The following IDS variants were observed in gnomAD, a reference collection of about 807,000 sequenced individuals.
IDS encodes iduronate 2-sulfatase.
A neutral mutation model predicts 33.5 loss-of-function variants in IDS; 1 was observed. The observed-to-expected ratio is 0.03, with a 90% CI of 0.01 to 0.14. IDS has a LOEUF of 0.14. IDS is among the 10% of genes least tolerant of loss of function. The pLI, the probability that IDS is intolerant of heterozygous loss-of-function variation, is 1.00. For missense variants in IDS, 328 were observed against 448.0 expected (o/e 0.73, Z 2.42); for synonymous variants, 191 against 184.4 (o/e 1.04, Z -0.29).
chrX:149,502,263 G>A (rs1350392716), intron 3 of IDS: 24 of 294,373 alleles, frequency 8.2e-5, no homozygotes, highest in Admixed American at 8.1e-4. Context: ...AGGAGGTCAA[G>A]CAACATCACT....
At chrX:149,492,295 G>A (rs1234234109) in intron 6 of IDS, among the ~76,000 whole-genome samples, 1 of 111,686 alleles carries the variant, frequency 9.0e-6, no homozygotes, top group East Asian at 2.8e-4. Flanking sequence ...AGAGGCCCAG[G>A]GGTGACACAG....
rs1557337577 is a variant in IDS, at chrX:149,482,805, C to T, written c.1594G>A (p.Asp532Asn). The T allele has an allele frequency of 8.3e-7, 1 of 1,211,926 alleles. No individual in the cohort carries two copies. ...TGGGAATCATTATACATATTGTGATCCTGCAATGGGTCAGAATCCACAAAA... is the reference window on the plus strand; with the variant it reads ...TGGGAATCATTATACATATTGTGATTCTGCAATGGGTCAGAATCCACAAAA... ...LYFVDSDPLQ[D>N]HNMYNDSQGG... The change falls in exon 9 of 9, where the codon GAT becomes AAT. Residue 532 changes from aspartate (D) to asparagine (N), a missense_variant. By Grantham distance (23) the Asp-to-Asn change is conservative. Around this residue, in one of 4 missense-constraint regions of IDS, gnomAD observed 265 missense variants for 339.2 expected, o/e 0.78. Transcript: ENST00000340855.
intron 6 of IDS, among the ~76,000 whole-genome samples, chrX:149,495,993 C>G (rs1162927507): frequency 1.8e-5 from 2 of 112,164 alleles, no homozygotes; most frequent in Non-Finnish European, 3.8e-5. Flanking sequence ...TCGGGAGTTG[C>G]CCATCACTCT....
intron 3 of IDS, chrX:149,502,805 A>G (rs1344970567): frequency 5.2e-6 from 1 of 193,700 alleles, no homozygotes; most frequent in Non-Finnish European, 9.6e-6. Flanking sequence ...CTGGGACCCT[A>G]TAGATCCTGG....
At chrX:149,490,744 G>C (rs782698084) in intron 6 of IDS, among the ~76,000 whole-genome samples, 1 of 111,231 alleles carries the variant, frequency 9.0e-6, no homozygotes, top group African/African-American at 3.4e-5. Context: ...AAGCTGAAAT[G>C]TATTGTCTCC....
Position 149,482,462 on chromosome X carries a change from T to A in IDS, c.*284A>T, listed in dbSNP as rs2089300556. On this transcript the variant is annotated 3_prime_UTR_variant, in exon 9 of 9. Coordinates refer to ENST00000340855, the MANE Select transcript of IDS (RefSeq NM_000202.8). ...ATCCAAAGGTATGACATAACTTGAGTTTGTTTGCTTTGTATTTATTCAGTA... is the reference window on the plus strand; with the variant it reads ...ATCCAAAGGTATGACATAACTTGAGATTGTTTGCTTTGTATTTATTCAGTA... 3.0e-6 allele frequency: 1 copy of A among 328,451 alleles called. No individual in the cohort carries two copies. Among genetic ancestry groups the A allele is most frequent in the Admixed American group, 5.3e-5 (1 of 18,787 alleles). 27.1% of individuals were successfully genotyped at this position (328,451 alleles called of 1,213,427 possible).
intron 6 of IDS, among the ~76,000 whole-genome samples, chrX:149,495,323 A>T (rs781800735): frequency 9.0e-6 from 1 of 110,654 alleles, no homozygotes; most frequent in Admixed American, 9.6e-5. Context: ...CACCAACCAA[A>T]CTCTTGTTGT....
chrX:149,496,001 T>G (rs2089433146), intron 6 of IDS, among the ~76,000 whole-genome samples: 1 of 112,152 alleles, frequency 8.9e-6, no homozygotes, highest in Non-Finnish European at 1.9e-5. Context: ...TGCCCATCAC[T>G]CTACAATTAA....
chrX:149,491,537 C>T, intron 6 of IDS: 1 of 966,288 alleles, frequency 1.0e-6, no homozygotes, highest in Non-Finnish European at 1.3e-6. Context: ...ATGAGACTCA[C>T]CCGTTCTCAC....
chrX:149,487,331 T>A (rs1557338207), intron 7 of IDS: 4 of 1,121,728 alleles, frequency 3.6e-6, no homozygotes, highest in Non-Finnish European at 3.7e-6. Context: ...AAAGAAAAAA[T>A]AATTAAATTC....
intron 5 of IDS, among the ~76,000 whole-genome samples, chrX:149,497,597 T>A (rs1331523557): frequency 1.8e-5 from 2 of 112,624 alleles, no homozygotes; most frequent in African/African-American, 6.5e-5. Flanking sequence ...TGGAAAAGGA[T>A]TCTAAAACAG....
intron 6 of IDS, among the ~76,000 whole-genome samples, chrX:149,492,159 C>A (rs2089398455): frequency 8.9e-6 from 1 of 112,091 alleles, no homozygotes; most frequent in African/African-American, 3.2e-5. Context: ...GTACCTACTC[C>A]TTGCCCTCTG....
Position 149,486,788 on chromosome X carries a change from G to A in IDS, c.1180+137C>T, listed in dbSNP as rs782509738. 25 of 682,358 alleles carry A rather than the reference G, an allele frequency of 3.7e-5. No homozygotes were observed. The South Asian group carries it at 4.9e-4, about 13-fold the overall frequency. The allele number at this position is 682,358 out of a possible 1,213,427, so 56.2% of individuals were successfully genotyped here. Reference sequence around the variant, plus strand: ...AGAAAGCGTGTGCTGACCACAAAATGTTGAGAAGAAATTCCAACACAAGGC... The same window carrying A: ...AGAAAGCGTGTGCTGACCACAAAATATTGAGAAGAAATTCCAACACAAGGC... On this transcript the variant is annotated intron_variant, in intron 8 of 8. Transcript: ENST00000340855.
At chrX:149,487,417 G>A (rs377106375) in intron 7 of IDS, 23 of 585,625 alleles carry the variant, frequency 3.9e-5, no homozygotes, top group South Asian at 3.6e-4. Context: ...CCACACATGC[G>A]TTCCTCCCCT....
At position 149,478,430 on chromosome X, in the gene IDS, A is replaced by C. The variant is rs2124644530; in HGVS notation, c.*4316T>G. ...ACATTTCAGTCCAAAAAAAAAAATT[A>C]ATGAAGCAGGGCTGTGCAGCCATTA... On this transcript the variant is annotated 3_prime_UTR_variant, in exon 9 of 9. Coordinates refer to ENST00000340855, the MANE Select transcript of IDS (RefSeq NM_000202.8). 8.9e-6 allele frequency: 1 copy of C among 112,671 alleles called. No homozygotes were observed. The highest frequency in any genetic ancestry group is 3.2e-5 in the African/African-American group (1 of 31,015). The allele number at this position is 112,671 out of a possible 1,213,427, so 9.3% of individuals were successfully genotyped here.
At chrX:149,494,808 TTA>T (rs2124036516) in intron 6 of IDS, among the ~76,000 whole-genome samples, 1 of 112,252 alleles carries the variant, frequency 8.9e-6, no homozygotes, top group East Asian at 2.8e-4. Flanking sequence ...TGTTTCAGTT[TTA>T]TAGAGAAGAA....
In IDS at chrX:149,490,444, C is replaced by T. The variant is rs782623359; in HGVS notation, c.880-4G>A. ...AGTAGCTCTGGCGGATTTTCCGCTG[C>T]AAATTGAAAAAAAATAAAAATGAGA... On this transcript the variant is annotated splice_region_variant and splice_polypyrimidine_tract_variant and intron_variant, in intron 6 of 8. Transcript: ENST00000340855. 29 of 1,207,864 alleles carry T rather than the reference C, an allele frequency of 2.4e-5. 1 individual carries two copies. In the South Asian group the frequency reaches 4.9e-4, roughly 21 times the overall value.
At chrX:149,503,114 C>T (rs782594123) in intron 3 of IDS, 198 bp downstream of exon 3, 143 of 1,139,883 alleles carry the variant, frequency 1.3e-4, no homozygotes, top group South Asian at 9.6e-4. Context: ...GGAAGCAAAG[C>T]TCTTTCTACC....
chrX:149,492,200 T>C (rs782459596), intron 6 of IDS, among the ~76,000 whole-genome samples: 1 of 111,862 alleles, frequency 8.9e-6, no homozygotes, highest in African/African-American at 3.3e-5. Context: ...TATTCTCCCC[T>C]GGGGCTCTGC....
Sources: gnomAD v4.1 joint callset for allele counts (sites outside exome capture counted in the v4.1 genomes callset) on GRCh38, gnomAD v4.1.1 for gene constraint, gnomAD v4.1.1 regional missense constraint, MANE v1.5 for transcripts, NCBI Gene and HGNC (gene_info 2026-07-23, HGNC 2026-07-21) for gene names.